The following C16orf74 variants were observed in gnomAD, a reference collection of about 807,000 sequenced individuals.
C16orf74 encodes uncharacterized protein C16orf74.
Under a neutral mutation model 6.5 loss-of-function variants are expected in C16orf74, and 10 were observed. That is an observed-to-expected ratio of 1.54 (90% CI 0.95 to 2.61). The LOEUF (loss-of-function observed/expected upper bound fraction) is 2.61, where lower values mean the gene tolerates loss of function less well. C16orf74 is among the 30% of genes most tolerant of loss of function. The pLI, the probability that C16orf74 is intolerant of heterozygous loss-of-function variation, is 0.00. For synonymous variants in C16orf74, 60 were observed against 42.5 expected, an observed-to-expected ratio of 1.41 and a Z score of -1.60; for missense variants, 141 against 105.9, an observed-to-expected ratio of 1.33 and a Z score of -1.45.
At chr16:85,741,150 G>A (rs1256634392) in intron 1 of C16orf74, among the ~76,000 whole-genome samples, 1 of 152,180 alleles carries the variant, frequency 6.6e-6, no homozygotes, top group Non-Finnish European at 1.5e-5. Context: ...TCCCCACCAT[G>A]GTCTCCCAGG....
At chr16:85,725,035 C>G (rs80216236) in intron 2 of C16orf74, among the ~76,000 whole-genome samples, 1 of 151,392 alleles carries the variant, frequency 6.6e-6, no homozygotes, top group Non-Finnish European at 1.5e-5. Context: ...TATCAGGTGC[C>G]GGAGGTTTAG....
chr16:85,727,371 G>A (rs577342994), intron 2 of C16orf74, among the ~76,000 whole-genome samples: 1 of 152,348 alleles, frequency 6.6e-6, no homozygotes, highest in Non-Finnish European at 1.5e-5. Flanking sequence ...ATGCCTGGCA[G>A]CCTGGGGTCC....
At chr16:85,727,408 A>G (rs1190329160) in intron 2 of C16orf74, among the ~76,000 whole-genome samples, 1 of 152,212 alleles carries the variant, frequency 6.6e-6, no homozygotes, top group African/African-American at 2.4e-5. Flanking sequence ...TGTCTGAGAA[A>G]CTGTCACAGC....
intron 1 of C16orf74, among the ~76,000 whole-genome samples, chr16:85,740,430 C>T (rs1277314306): frequency 3.3e-5 from 5 of 149,298 alleles, no homozygotes; most frequent in Non-Finnish European, 5.9e-5. Flanking sequence ...TGGCCGGGCG[C>T]GGTGGCTCAC....
rs1013726779 is a variant in C16orf74, at chr16:85,719,928, G to A, written c.29-9621C>T. Among the ~76,000 whole-genome samples, 3 of 151,812 alleles carry A rather than the reference G, an allele frequency of 2.0e-5. No individual in the cohort carries two copies. The South Asian group carries it at 6.2e-4, about 31-fold the overall frequency. ...GCAAAGGCCCTGAGGCAGGAACAGA[G>A]GGGCCACAGGGGCTGAGCGGGGTGA... is the stretch of plus-strand genomic sequence containing the variant. On this transcript the variant is annotated intron_variant, in intron 2 of 3. Coordinates refer to ENST00000284245, the MANE Select transcript of C16orf74 (RefSeq NM_206967.3).
intron 1 of C16orf74, among the ~76,000 whole-genome samples, chr16:85,747,562 G>T (rs1023781462): frequency 5.9e-5 from 9 of 152,090 alleles, no homozygotes; most frequent in African/African-American, 2.2e-4. Flanking sequence ...GGGGCTGAAG[G>T]TCTCTTTCTT....
chr16:85,718,233 C>G (rs944882030), intron 2 of C16orf74, among the ~76,000 whole-genome samples: 3 of 152,188 alleles, frequency 2.0e-5, no homozygotes, highest in African/African-American at 7.2e-5. Flanking sequence ...TCCACCACAC[C>G]TGGCTAAGTT....
At position 85,712,784 on chromosome 16, in the gene C16orf74, G is replaced by A. The variant is rs139535154; in HGVS notation, c.29-2477C>T. 7.2e-5 allele frequency among the ~76,000 whole-genome samples: 11 copies of A among 152,350 alleles called. No homozygotes were observed. In the East Asian group the frequency reaches 2.1e-3, roughly 29 times the overall value. On this transcript the variant is annotated intron_variant, in intron 2 of 3. Transcript: ENST00000284245. ...TTAATCTTGCCTAAAAAGAGGTCTGGTCTCTGTCCGCGGTTTCTGAGAGGT... is the reference window on the plus strand; with the variant it reads ...TTAATCTTGCCTAAAAAGAGGTCTGATCTCTGTCCGCGGTTTCTGAGAGGT...
At chr16:85,735,665 T>A (rs1291420448) in intron 1 of C16orf74, among the ~76,000 whole-genome samples, 1 of 150,820 alleles carries the variant, frequency 6.6e-6, no homozygotes, top group African/African-American at 2.4e-5. Flanking sequence ...CCCATGGCCA[T>A]GTACCTCCCG....
At chr16:85,710,117 G>A (rs775682890) in intron 3 of C16orf74, 47 bp downstream of exon 3, 16 of 1,363,242 alleles carry the variant, frequency 1.2e-5, no homozygotes, top group South Asian at 5.4e-5. Flanking sequence ...TGTCTCCACC[G>A]GGCCCCCACA....
chr16:85,738,293 G>C (rs1362249396), intron 1 of C16orf74, among the ~76,000 whole-genome samples: 1 of 151,190 alleles, frequency 6.6e-6, no homozygotes, highest in African/African-American at 2.4e-5. Context: ...AGAGATTCTG[G>C]GGCAATTGGT....
chr16:85,739,199 C>T (rs1173200305), intron 1 of C16orf74, among the ~76,000 whole-genome samples: 1 of 152,148 alleles, frequency 6.6e-6, no homozygotes, highest in Admixed American at 6.5e-5. Context: ...TGCACAGAGC[C>T]CCAGGGCCTC....
At chr16:85,732,656 A>G (rs1413412940) in intron 2 of C16orf74, among the ~76,000 whole-genome samples, 1 of 94,094 alleles carries the variant, frequency 1.1e-5, no homozygotes, top group Non-Finnish European at 1.9e-5. Context: ...ACAGAGCGAG[A>G]CTCTGTCTCA....
intron 2 of C16orf74, among the ~76,000 whole-genome samples, chr16:85,720,158 A>G (rs2152059991): frequency 6.6e-6 from 1 of 152,076 alleles, no homozygotes; most frequent in Middle Eastern, 3.4e-3. Context: ...CAGGCCCGAT[A>G]GAGACAGCAG....
chr16:85,735,274 G>A (rs1427836927), intron 1 of C16orf74, 39 bp from the exon 2 acceptor site: 2 of 1,498,928 alleles, frequency 1.3e-6, no homozygotes, highest in Non-Finnish European at 9.0e-7. Flanking sequence ...GGGAGGGCGC[G>A]ACTTGTTTGT....
At chr16:85,735,823 C>A (rs560461342) in intron 1 of C16orf74, among the ~76,000 whole-genome samples, 3 of 152,162 alleles carry the variant, frequency 2.0e-5, no homozygotes, top group African/African-American at 7.2e-5. Context: ...TGAGGCATCC[C>A]GAGTTCTAAG....
At chr16:85,716,286 G>A (rs1032805530) in intron 2 of C16orf74, among the ~76,000 whole-genome samples, 4 of 150,346 alleles carry the variant, frequency 2.7e-5, no homozygotes, top group East Asian at 2.0e-4. Context: ...ACGGAGGGAA[G>A]GAGGAGAGGG....
intron 2 of C16orf74, among the ~76,000 whole-genome samples, chr16:85,719,785 G>C (rs113796513): frequency 0.028 from 4,266 of 149,860 alleles, 164 homozygotes; most frequent in African/African-American, 0.1. Context: ...GGCAGGAACA[G>C]AGGGGCCACA....
intron 2 of C16orf74, among the ~76,000 whole-genome samples, chr16:85,714,397 ATTTATTAT>A (rs763411312): frequency 0.037 from 1,967 of 53,844 alleles, 18 homozygotes; most frequent in South Asian, 0.098. Context: ...TTATTTATTT[ATTTATTAT>A]TTATTTATTT....
Sources: gnomAD v4.1 joint callset for allele counts (sites outside exome capture counted in the v4.1 genomes callset) on GRCh38, gnomAD v4.1.1 for gene constraint, MANE v1.5 for transcripts, NCBI Gene and HGNC (gene_info 2026-07-23, HGNC 2026-07-21) for gene names.